The following KCNIP4 variants were observed in gnomAD, a reference collection of about 807,000 sequenced individuals.
KCNIP4 encodes potassium voltage-gated channel interacting protein 4.
Under a neutral mutation model 34.0 loss-of-function variants are expected in KCNIP4, and 12 were observed. That is an observed-to-expected ratio of 0.35 (90% CI 0.23 to 0.57). KCNIP4 has a LOEUF of 0.57. Ranked by LOEUF, KCNIP4 falls within the 20% of genes least tolerant of loss-of-function variation. The probability of loss-of-function intolerance (pLI) is 0.83; values close to 1 mark genes in which losing one functional copy is unlikely to be tolerated. For synonymous variants in KCNIP4, 124 were observed against 102.2 expected (o/e 1.21, Z -1.29); for missense variants, 238 against 311.7 (o/e 0.76, Z 1.78).
chr4:21,200,317 T>C (rs1191883596), intron 1 of KCNIP4, among the ~76,000 whole-genome samples: 24 of 100,464 alleles, frequency 2.4e-4, no homozygotes, highest in African/African-American at 1.2e-3. Flanking sequence ...TATACATACA[T>C]ATATGTGTGT....
chr4:21,208,882 C>T (rs1172459671), intron 1 of KCNIP4, among the ~76,000 whole-genome samples: 2 of 152,070 alleles, frequency 1.3e-5, no homozygotes, highest in African/African-American at 4.8e-5. Flanking sequence ...CTTCACAAGG[C>T]AGCAGGAAGG....
intron 1 of KCNIP4, among the ~76,000 whole-genome samples, chr4:21,173,112 A>G (rs1483510408): frequency 1.3e-5 from 2 of 152,190 alleles, no homozygotes; most frequent in Non-Finnish European, 2.9e-5. Flanking sequence ...GTCTTCCAAG[A>G]GCGCATCTGA....
chr4:21,723,977 G>A (rs1715010494), intron 1 of KCNIP4, among the ~76,000 whole-genome samples: 1 of 152,060 alleles, frequency 6.6e-6, no homozygotes, highest in African/African-American at 2.4e-5. Flanking sequence ...TAGCAGAGGG[G>A]GAGGAGCAAT....
intron 1 of KCNIP4, among the ~76,000 whole-genome samples, chr4:21,167,160 C>T (rs943340868): frequency 4.0e-5 from 6 of 151,786 alleles, no homozygotes; most frequent in African/African-American, 1.2e-4. Flanking sequence ...GAAAAAAACC[C>T]ACAACACCTC....
intron 1 of KCNIP4, among the ~76,000 whole-genome samples, chr4:21,599,080 C>A (rs1742888567): frequency 6.6e-6 from 1 of 152,062 alleles, no homozygotes; most frequent in African/African-American, 2.4e-5. Flanking sequence ...TTGATTTGAG[C>A]ATCCTTGCAA....
chr4:21,631,317 A>G (rs952825763), intron 1 of KCNIP4, among the ~76,000 whole-genome samples: 1 of 152,206 alleles, frequency 6.6e-6, no homozygotes, highest in Non-Finnish European at 1.5e-5. Context: ...TTTTATTTTA[A>G]TTAATGACAT....
chr4:20,983,722 T>G (rs1326797305), intron 1 of KCNIP4: 1 of 1,046,132 alleles, frequency 9.6e-7, no homozygotes, highest in South Asian at 1.5e-5. Flanking sequence ...AAACTTTTAC[T>G]TTGAGTATTA....
intron 1 of KCNIP4, among the ~76,000 whole-genome samples, chr4:21,465,983 T>C (rs374151260): frequency 5.9e-5 from 9 of 152,232 alleles, no homozygotes; most frequent in East Asian, 3.9e-4. Flanking sequence ...CTTCTTTTAG[T>C]CCTCTAGTTG....
chr4:21,057,868 C>T lies in KCNIP4; in HGVS notation c.62-175159G>A, dbSNP rs1438673749. Among the ~76,000 whole-genome samples, 5 of 152,118 alleles carry T rather than the reference C, an allele frequency of 3.3e-5. No individual in the cohort carries two copies. In the East Asian group the frequency reaches 7.7e-4, roughly 23 times the overall value. On this transcript the variant is annotated intron_variant, in intron 1 of 8. Transcript: ENST00000382152. ...AAAACTGAGGTTCTCATTGTTATAG[C>T]ATGTCAGTTATCTTTATCTCATTCA...
chr4:21,764,401 T>C (rs951709468), intron 1 of KCNIP4, among the ~76,000 whole-genome samples: 4 of 152,120 alleles, frequency 2.6e-5, no homozygotes, highest in African/African-American at 9.7e-5. Context: ...ATAAATGAGC[T>C]AGTTCAACTT....
chr4:21,199,496 A>C (rs971191538), intron 1 of KCNIP4, among the ~76,000 whole-genome samples: 2 of 152,164 alleles, frequency 1.3e-5, no homozygotes, highest in East Asian at 1.9e-4. Context: ...AGATTGTGAA[A>C]ATTTTCTCCC....
At chr4:21,028,174 C>CG (rs1218256304) in intron 1 of KCNIP4, among the ~76,000 whole-genome samples, 1 of 152,124 alleles carries the variant, frequency 6.6e-6, no homozygotes, top group African/African-American at 2.4e-5. Context: ...TCCCCTCCCC[C>CG]CCAATTGTCA....
intron 1 of KCNIP4, among the ~76,000 whole-genome samples, chr4:21,286,075 T>G (rs551873285): frequency 6.6e-6 from 1 of 152,362 alleles, no homozygotes; most frequent in South Asian, 2.1e-4. Context: ...CTTTGCCATT[T>G]ACATGTAGAT....
intron 3 of KCNIP4, among the ~76,000 whole-genome samples, chr4:20,799,166 C>A (rs73802337): frequency 0.03 from 4,625 of 152,212 alleles, 196 homozygotes; most frequent in African/African-American, 0.095. Context: ...TCCATCCTGC[C>A]CATTCTAGTT....
chr4:21,227,434 T>C (rs1758482318), intron 1 of KCNIP4, among the ~76,000 whole-genome samples: 2 of 152,200 alleles, frequency 1.3e-5, no homozygotes, highest in Admixed American at 1.3e-4. Context: ...TGAAGACTTC[T>C]AGTTTTAACT....
intron 1 of KCNIP4, chr4:21,845,478 A>G (rs1490672325): frequency 2.0e-5 from 3 of 152,070 alleles, no homozygotes; most frequent in African/African-American, 7.2e-5. Flanking sequence ...GATTTGGCCC[A>G]TTTGCTTACC....
At chr4:20,953,170 A>G (rs1015764078) in intron 1 of KCNIP4, among the ~76,000 whole-genome samples, 1 of 152,228 alleles carries the variant, frequency 6.6e-6, no homozygotes, top group African/African-American at 2.4e-5. Context: ...GTTTGACTCA[A>G]CTGTCTTTCC....
chr4:21,578,573 C>G (rs1010255241), intron 1 of KCNIP4, among the ~76,000 whole-genome samples: 1 of 151,984 alleles, frequency 6.6e-6, no homozygotes, highest in African/African-American at 2.4e-5. Flanking sequence ...AATATGGCAT[C>G]CACCCTTCTA....
intron 2 of KCNIP4, among the ~76,000 whole-genome samples, chr4:20,858,211 CAAAAAAAA>C (rs778798968): frequency 2.8e-5 from 2 of 70,738 alleles, no homozygotes; most frequent in South Asian, 8.6e-4. Flanking sequence ...AACTCCATCT[CAAAAAAAA>C]AAAAAAAAAA....
Sources: gnomAD v4.1 joint callset for allele counts (sites outside exome capture counted in the v4.1 genomes callset) on GRCh38, gnomAD v4.1.1 for gene constraint, MANE v1.5 for transcripts, NCBI Gene and HGNC (gene_info 2026-07-23, HGNC 2026-07-21) for gene names.